Variants in CNTNAP5 observed in about 807,000 individuals in gnomAD.
CNTNAP5 encodes contactin associated protein family member 5.
In CNTNAP5, 72 loss-of-function variants were observed where a neutral mutation model predicts 150.2. That is an observed-to-expected ratio of 0.48 (90% confidence interval 0.40 to 0.58). The LOEUF (loss-of-function observed/expected upper bound fraction) is 0.58, where lower values mean the gene tolerates loss of function less well. Among genes scored for constraint, CNTNAP5 ranks in the 20% least tolerant of loss-of-function variants. CNTNAP5 has a pLI of 0.00. For missense variants in CNTNAP5, 1,636 were observed against 1,626.2 expected (o/e 1.01, Z -0.10); for synonymous variants, 672 against 619.8 (o/e 1.08, Z -1.25).
chr2:124,167,802 G>C (rs532345640), intron 1 of CNTNAP5, among the ~76,000 whole-genome samples: 1 of 152,262 alleles, frequency 6.6e-6, no homozygotes, highest in African/African-American at 2.4e-5. Context: ...TTCCTGTGCT[G>C]ATTCTTCATG....
rs559955062 is a variant in CNTNAP5 at position 124,682,726 on chromosome 2, G to T, written c.2077+34768G>T. On this transcript the variant is annotated intron_variant, in intron 13 of 23. Transcript: ENST00000682447. ...CTGTATTTATGTTGTTTTAGAGAGA[G>T]AGAGAATCTACCAGGTTCCTCAATC... is the stretch of plus-strand genomic sequence containing the variant. 4.6e-5 allele frequency among the ~76,000 whole-genome samples: 7 copies of T among 152,282 alleles called. No homozygotes were observed. In the South Asian group the frequency reaches 6.2e-4, roughly 14 times the overall value.
chr2:124,182,876 G>A (rs1240929558), intron 1 of CNTNAP5, among the ~76,000 whole-genome samples: 3 of 152,038 alleles, frequency 2.0e-5, no homozygotes, highest in South Asian at 2.1e-4. Context: ...TTCCATACCA[G>A]CCAAGTTATT....
intron 3 of CNTNAP5, among the ~76,000 whole-genome samples, chr2:124,254,807 G>A (rs1339685023): frequency 6.6e-6 from 1 of 152,066 alleles, no homozygotes; most frequent in Non-Finnish European, 1.5e-5. Context: ...TTTCAGAATG[G>A]GCTGCCTAGC....
chr2:124,431,144 G>A (rs987458134), intron 4 of CNTNAP5, among the ~76,000 whole-genome samples: 9 of 152,102 alleles, frequency 5.9e-5, no homozygotes, highest in Non-Finnish European at 1.2e-4. Flanking sequence ...GTTTTCTCTA[G>A]GTCTCATGAC....
rs3063402 is a variant in CNTNAP5 at position 124,139,263 on chromosome 2, A to AACACAC, written c.83-82416_83-82411dup. On this transcript the variant is annotated intron_variant, in intron 1 of 23. Transcript: ENST00000682447. ...TATAAAATCCTCTTATTTCTACCCC[A>AACACAC]ACACACACACACACACACACACACA... Among the ~76,000 whole-genome samples, 57 of 149,302 alleles carry AACACAC rather than the reference A, an allele frequency of 3.8e-4. 1 individual carries two copies. The highest frequency in any genetic ancestry group is 3.5e-3 in the Middle Eastern group (1 of 284).
At chr2:124,114,672 T>C (rs1227424105) in intron 1 of CNTNAP5, among the ~76,000 whole-genome samples, 1 of 151,856 alleles carries the variant, frequency 6.6e-6, no homozygotes, top group Admixed American at 6.6e-5. Context: ...GTAAGAATTA[T>C]AGACAAGCTT....
chr2:124,052,463 T>C (rs1164924348), intron 1 of CNTNAP5, among the ~76,000 whole-genome samples: 1 of 152,212 alleles, frequency 6.6e-6, no homozygotes, highest in Non-Finnish European at 1.5e-5. Flanking sequence ...TTATTCCCTC[T>C]CAACCAAGGG....
rs527536406 is a variant in CNTNAP5, at chr2:124,823,502, G to C, written c.3217+25182G>C. On this transcript the variant is annotated intron_variant, in intron 19 of 23. Coordinates refer to ENST00000682447, the MANE Select transcript of CNTNAP5 (RefSeq NM_001367498.1). Reference sequence around the variant, plus strand: ...AACAGACTAAGGTTGACAAGCATCTGTTTAACCTTGATTTTATTGCAAACC... The same window carrying C: ...AACAGACTAAGGTTGACAAGCATCTCTTTAACCTTGATTTTATTGCAAACC... Among the ~76,000 whole-genome samples, 6 of 152,270 alleles carry C rather than the reference G, an allele frequency of 3.9e-5. No individual in the cohort carries two copies. The South Asian group carries it at 1.0e-3, about 26-fold the overall frequency.
intron 5 of CNTNAP5, among the ~76,000 whole-genome samples, chr2:124,437,358 A>G (rs1692557763): frequency 6.6e-6 from 1 of 152,186 alleles, no homozygotes; most frequent in African/African-American, 2.4e-5. Flanking sequence ...CCGATCCTCA[A>G]GGAAGACCTA....
intron 6 of CNTNAP5, among the ~76,000 whole-genome samples, chr2:124,451,372 A>G (rs1574003550): frequency 6.6e-6 from 1 of 151,944 alleles, no homozygotes; most frequent in African/African-American, 2.4e-5. Flanking sequence ...GAGTTCTTCT[A>G]GGAATGGCAT....
chr2:124,539,913 A>C (rs1695338574), intron 10 of CNTNAP5, among the ~76,000 whole-genome samples: 1 of 152,200 alleles, frequency 6.6e-6, no homozygotes, highest in African/African-American at 2.4e-5. Flanking sequence ...CATCTTAAAA[A>C]TATCTCTTGG....
chr2:124,824,423 A>G (rs1414155749), intron 19 of CNTNAP5, among the ~76,000 whole-genome samples: 1 of 152,204 alleles, frequency 6.6e-6, no homozygotes, highest in Non-Finnish European at 1.5e-5. Context: ...GAAATAAACA[A>G]AAATCTGTGA....
At chr2:124,565,105 A>C (rs185696125) in intron 11 of CNTNAP5, among the ~76,000 whole-genome samples, 2 of 152,300 alleles carry the variant, frequency 1.3e-5, no homozygotes, top group East Asian at 3.9e-4. Flanking sequence ...CCTCTCAGCC[A>C]TTCCTTAGCC....
chr2:124,204,050 A>G (rs138419991), intron 1 of CNTNAP5, among the ~76,000 whole-genome samples: 3 of 152,254 alleles, frequency 2.0e-5, no homozygotes, highest in African/African-American at 7.2e-5. Context: ...CCTCTTAAAC[A>G]TGGGTTCCAA....
intron 3 of CNTNAP5, among the ~76,000 whole-genome samples, chr2:124,286,250 A>T (rs1023549140): frequency 6.6e-6 from 1 of 152,084 alleles, no homozygotes; most frequent in African/African-American, 2.4e-5. Flanking sequence ...TTCCCTTGGG[A>T]ATGCCATCTC....
At chr2:124,713,253 CTTTCTTTCTTTCTTTCTTTCTT>C (rs1679854160) in intron 13 of CNTNAP5, among the ~76,000 whole-genome samples, 1 of 97,382 alleles carries the variant, frequency 1.0e-5, no homozygotes, top group African/African-American at 3.5e-5. Flanking sequence ...CTCTTTCTTT[CTTTCTTTCTTTCTTTCTTTCTT>C]TCTTTCTTTC....
chr2:124,465,158 A>C (rs188525968), intron 6 of CNTNAP5, among the ~76,000 whole-genome samples: 196 of 152,268 alleles, frequency 1.3e-3, no homozygotes, highest in African/African-American at 4.5e-3. Context: ...AAAATAAATA[A>C]ATAAAATAAG....
intron 11 of CNTNAP5, among the ~76,000 whole-genome samples, chr2:124,590,370 T>G (rs1374824535): frequency 6.6e-6 from 1 of 152,330 alleles, no homozygotes; most frequent in African/African-American, 2.4e-5. Flanking sequence ...AACCTATGTC[T>G]ATTTTCAGCC....
At chr2:124,525,788 T>C (rs1281546567) in intron 9 of CNTNAP5, among the ~76,000 whole-genome samples, 2 of 152,212 alleles carry the variant, frequency 1.3e-5, no homozygotes, top group African/African-American at 4.8e-5. Context: ...ATTTAATTCA[T>C]GCAGAAACCT....
Sources: allele counts gnomAD v4.1 joint callset (sites outside exome capture counted in the v4.1 genomes callset), GRCh38; gene constraint gnomAD v4.1.1; transcripts MANE v1.5; gene names NCBI Gene and HGNC (gene_info 2026-07-23, HGNC 2026-07-21).